Variants in CNTNAP2 observed in about 807,000 individuals in gnomAD.
The protein encoded by CNTNAP2 is contactin-associated protein-like 2.
A neutral mutation model predicts 155.2 loss-of-function variants in CNTNAP2; 98 were observed. That is an observed-to-expected ratio of 0.63 (90% confidence interval 0.54 to 0.75). The LOEUF is 0.75. Among genes scored for constraint, CNTNAP2 ranks in the 30% least tolerant of loss-of-function variants. The pLI is 0.00. For missense variants in CNTNAP2, 1,727 were observed against 1,688.1 expected (o/e 1.02, Z -0.40); for synonymous variants, 651 against 631.2 (o/e 1.03, Z -0.47).
intron 13 of CNTNAP2, among the ~76,000 whole-genome samples, chr7:147,801,305 T>C (rs1028259617): frequency 2.3e-5 from 3 of 129,766 alleles, no homozygotes; most frequent in Non-Finnish European, 4.7e-5. Context: ...GCAACTTCTA[T>C]GAAGTTTTTT....
At chr7:146,919,479 A>C (rs1796456375) in intron 3 of CNTNAP2, among the ~76,000 whole-genome samples, 1 of 152,114 alleles carries the variant, frequency 6.6e-6, no homozygotes, top group Non-Finnish European at 1.5e-5. Flanking sequence ...CAACCAGTAG[A>C]GCTACTGGGC....
At chr7:146,232,020 T>C (rs928998253) in intron 1 of CNTNAP2, among the ~76,000 whole-genome samples, 1 of 152,168 alleles carries the variant, frequency 6.6e-6, no homozygotes, top group African/African-American at 2.4e-5. Context: ...CTGTTTTCTA[T>C]ACCCATGCTA....
chr7:148,278,485 G>A (rs1482312346), intron 21 of CNTNAP2, among the ~76,000 whole-genome samples: 1 of 151,478 alleles, frequency 6.6e-6, no homozygotes, highest in Non-Finnish European at 1.5e-5. Context: ...CAGGAGAATG[G>A]CGTGAACCCA....
chr7:148,307,257 G>A (rs955650879), intron 21 of CNTNAP2, among the ~76,000 whole-genome samples: 1 of 152,184 alleles, frequency 6.6e-6, no homozygotes, highest in East Asian at 1.9e-4. Context: ...AGAGTGAGGG[G>A]AGGACAGATG....
intron 13 of CNTNAP2, among the ~76,000 whole-genome samples, chr7:147,836,819 T>C (rs898588487): frequency 2.0e-5 from 3 of 152,208 alleles, no homozygotes; most frequent in South Asian, 2.1e-4. Flanking sequence ...TTCAAACTTA[T>C]AGCTGTTCTG....
intron 13 of CNTNAP2, among the ~76,000 whole-genome samples, chr7:147,784,665 A>C (rs1013321012): frequency 4.7e-5 from 7 of 148,978 alleles, no homozygotes; most frequent in Non-Finnish European, 1.0e-4. Flanking sequence ...CCAGTAATTG[A>C]AGGTTTTCCA....
intron 13 of CNTNAP2, among the ~76,000 whole-genome samples, chr7:147,889,164 A>C (rs1585012148): frequency 6.6e-6 from 1 of 152,252 alleles, no homozygotes; most frequent in Admixed American, 6.5e-5. Context: ...CAAAATTCTA[A>C]ACCAGTAGAA....
intron 13 of CNTNAP2, among the ~76,000 whole-genome samples, chr7:147,836,089 A>G (rs555287998): frequency 6.6e-6 from 1 of 152,274 alleles, no homozygotes; most frequent in East Asian, 1.9e-4. Flanking sequence ...GCTTTAGGAA[A>G]CTAATACAAC....
rs184196951 is a variant in CNTNAP2, at chr7:146,602,805, G to A, written c.98-171466G>A. Among the ~76,000 whole-genome samples the A allele has an allele frequency of 1.3e-3, 203 of 152,204 alleles. 1 individual carries two copies. Among genetic ancestry groups the A allele is most frequent in the African/African-American group, 4.5e-3 (189 of 41,540 alleles). On this transcript the variant is annotated intron_variant, in intron 1 of 23. Transcript: ENST00000361727. ...TCCAAATTAAGACAGAGTGGAGAAC[G>A]AAAACTTTCAAGTTTGAAACACCAA...
chr7:146,679,091 G>C (rs1157179432), intron 1 of CNTNAP2, among the ~76,000 whole-genome samples: 13 of 152,052 alleles, frequency 8.5e-5, no homozygotes, highest in Non-Finnish European at 1.5e-4. Context: ...CTGTTGTATA[G>C]ATTATTTCAT....
intron 1 of CNTNAP2, among the ~76,000 whole-genome samples, chr7:146,351,891 T>A (rs1194310740): frequency 6.6e-6 from 1 of 152,198 alleles, no homozygotes; most frequent in Non-Finnish European, 1.5e-5. Flanking sequence ...AAAGGTAAAG[T>A]CCAGTCTCTA....
intron 3 of CNTNAP2, among the ~76,000 whole-genome samples, chr7:146,921,427 G>T (rs1355127791): frequency 6.6e-6 from 1 of 152,064 alleles, no homozygotes; most frequent in Non-Finnish European, 1.5e-5. Flanking sequence ...AAACAGGAAG[G>T]CAAGAGTCGT....
chr7:146,731,716 G>T (rs185090075), intron 1 of CNTNAP2, among the ~76,000 whole-genome samples: 1 of 152,016 alleles, frequency 6.6e-6, no homozygotes, highest in Non-Finnish European at 1.5e-5. Context: ...TGTTTTTAAC[G>T]TATAAAATTA....
chr7:147,388,769 A>G (rs1273247445), intron 9 of CNTNAP2, among the ~76,000 whole-genome samples: 1 of 152,120 alleles, frequency 6.6e-6, no homozygotes, highest in Admixed American at 6.5e-5. Context: ...TTTAGTAGAG[A>G]TGGAGTTTCA....
intron 10 of CNTNAP2, among the ~76,000 whole-genome samples, chr7:147,482,395 A>G (rs1207482183): frequency 1.3e-5 from 2 of 152,142 alleles, no homozygotes; most frequent in African/African-American, 4.8e-5. Flanking sequence ...TAGAATACCT[A>G]TAATCATCAC....
intron 3 of CNTNAP2, among the ~76,000 whole-genome samples, chr7:147,038,646 G>T (rs1258768200): frequency 1.3e-5 from 2 of 152,120 alleles, no homozygotes; most frequent in East Asian, 3.9e-4. Flanking sequence ...AGATCCCAAG[G>T]TGTGGTAGCT....
intron 8 of CNTNAP2, among the ~76,000 whole-genome samples, chr7:147,176,278 A>G (rs73156405): frequency 6.6e-6 from 1 of 152,298 alleles, no homozygotes; most frequent in Non-Finnish European, 1.5e-5. Flanking sequence ...ATAGAGAGAT[A>G]ATTAAATGTG....
intron 21 of CNTNAP2, among the ~76,000 whole-genome samples, chr7:148,359,122 G>A (rs904737463): frequency 2.0e-5 from 3 of 152,184 alleles, no homozygotes; most frequent in East Asian, 1.9e-4. Context: ...ATTGCCTACA[G>A]TATTGAGTAC....
chr7:146,876,030 C>T (rs2129208287), intron 3 of CNTNAP2, among the ~76,000 whole-genome samples: 1 of 150,458 alleles, frequency 6.6e-6, no homozygotes, highest in African/African-American at 2.4e-5. Flanking sequence ...GTACAGCTCA[C>T]TTTGACTTTT....
Sources: gnomAD v4.1 joint callset for allele counts (sites outside exome capture counted in the v4.1 genomes callset) on GRCh38, gnomAD v4.1.1 for gene constraint, MANE v1.5 for transcripts, NCBI Gene and HGNC (gene_info 2026-07-23, HGNC 2026-07-21) for gene names.